Variants in AK8 observed in about 807,000 individuals in gnomAD.
The protein encoded by AK8 is ATP-AMP transphosphorylase 8.
In AK8, 44 loss-of-function variants were observed where a neutral mutation model predicts 54.6. The ratio of observed to expected loss-of-function variants is 0.81; its 90% CI spans 0.63 to 1.04. The LOEUF (loss-of-function observed/expected upper bound fraction) is 1.04. Ranked by LOEUF, AK8 falls within the 50% of genes least tolerant of loss-of-function variation. AK8 has a pLI of 0.00. For missense variants in AK8, 555 were observed against 613.6 expected (o/e 0.90, Z 1.01); for synonymous variants, 239 against 245.6 (o/e 0.97, Z 0.25).
intron 11 of AK8, among the ~76,000 whole-genome samples, chr9:132,731,083 C>CTCAAAT (rs1564370248): frequency 6.6e-6 from 1 of 152,186 alleles, no homozygotes. Flanking sequence ...CAATCCCAAA[C>CTCAAAT]GCCGAAATCC....
intron 10 of AK8, among the ~76,000 whole-genome samples, chr9:132,796,770 TACACACACACACACACACACAC>T (rs10590924): frequency 1.3e-4 from 18 of 142,414 alleles, no homozygotes; most frequent in South Asian, 2.3e-4. Flanking sequence ...ACATACATGC[TACACACACACACACACACACAC>T]ACACACACAC....
intron 10 of AK8, among the ~76,000 whole-genome samples, chr9:132,812,114 A>T (rs1262096344): frequency 6.6e-6 from 1 of 151,768 alleles, no homozygotes; most frequent in Admixed American, 6.6e-5. Flanking sequence ...ACATTCACTC[A>T]TTTTTAGGGT....
At chr9:132,820,926 A>G (rs368272298) in intron 9 of AK8, among the ~76,000 whole-genome samples, 1 of 152,210 alleles carries the variant, frequency 6.6e-6, no homozygotes. Context: ...ATCTCATGAC[A>G]TCTTGTATTT....
At chr9:132,792,854 T>G in intron 10 of AK8, 79 bp from the exon 11 acceptor site, 1 of 1,468,676 alleles carries the variant, frequency 6.8e-7, no homozygotes, top group Non-Finnish European at 9.1e-7. Context: ...TACTTGGCCA[T>G]AGATTGAGCT....
chr9:132,853,273 G>A (rs1843039902), intron 5 of AK8, among the ~76,000 whole-genome samples: 1 of 149,282 alleles, frequency 6.7e-6, no homozygotes, highest in Non-Finnish European at 1.5e-5. Context: ...CAGGAGAATC[G>A]CTCAAACCTG....
Position 132,837,868 on chromosome 9 carries a change from T to C in AK8, c.403-9142A>G, listed in dbSNP as rs1842390160. Among the ~76,000 whole-genome samples the C allele has an allele frequency of 6.6e-6, 1 of 152,220 alleles. No homozygotes were observed. The highest frequency in any genetic ancestry group is 1.5e-5 in the Non-Finnish European group (1 of 68,044). Reference sequence around the variant, plus strand: ...CCTCAGAAGCCCTGCCTCGCCGTGATGCGGGCCATACGTTTCCTGAGTGGA... The same window carrying C: ...CCTCAGAAGCCCTGCCTCGCCGTGACGCGGGCCATACGTTTCCTGAGTGGA... On this transcript the variant is annotated intron_variant, in intron 5 of 12. Transcript: ENST00000298545. This position sits in a 1 kb window ranked among gnomAD's most constrained non-coding sequence, Gnocchi z 4.3.
intron 11 of AK8, among the ~76,000 whole-genome samples, chr9:132,736,656 G>A (rs1406870342): frequency 6.6e-6 from 1 of 151,264 alleles, no homozygotes; most frequent in Non-Finnish European, 1.5e-5. Flanking sequence ...ATGGTGGTGG[G>A]CGCCCGTAGT....
At chr9:132,777,006 C>A (rs1449183109) in intron 11 of AK8, among the ~76,000 whole-genome samples, 2 of 152,152 alleles carry the variant, frequency 1.3e-5, no homozygotes, top group Non-Finnish European at 2.9e-5. Flanking sequence ...AGATATGAGT[C>A]TGATTTCATC....
Position 132,850,320 on chromosome 9 carries a change from G to A in AK8, c.402+4537C>T, listed in dbSNP as rs140778261. Among the ~76,000 whole-genome samples, 26 of 146,898 alleles carry A rather than the reference G, an allele frequency of 1.8e-4. 1 individual carries two copies. Among genetic ancestry groups the A allele is most frequent in the African/African-American group, 6.0e-4 (24 of 39,746 alleles). ...CTTTGTATTACATCAGAGCTGAGTC[G>A]TTGCGATAGAAGCCTCCTGCCTCAG... On this transcript the variant is annotated intron_variant, in intron 5 of 12. Transcript: ENST00000298545.
chr9:132,865,993 T>C (rs993277874), intron 3 of AK8, among the ~76,000 whole-genome samples: 7 of 150,436 alleles, frequency 4.7e-5, no homozygotes. Flanking sequence ...AGGTCAGGAG[T>C]CCAATACCAG....
intron 4 of AK8, among the ~76,000 whole-genome samples, chr9:132,862,776 G>A (rs1036704636): frequency 4.6e-5 from 7 of 152,288 alleles, no homozygotes; most frequent in African/African-American, 1.7e-4. Flanking sequence ...GCTAGCCCGG[G>A]CAGATCCCCC....
chr9:132,811,733 T>G (rs1293320902), intron 10 of AK8, among the ~76,000 whole-genome samples: 1 of 152,240 alleles, frequency 6.6e-6, no homozygotes, highest in Non-Finnish European at 1.5e-5. Flanking sequence ...CCACTGCCAC[T>G]GTTCATGGGC....
chr9:132,844,297 CAAAAAA>C (rs35309762), intron 5 of AK8, among the ~76,000 whole-genome samples: 4 of 92,628 alleles, frequency 4.3e-5, no homozygotes, highest in African/African-American at 1.9e-4. Context: ...TGCATTAGAC[CAAAAAA>C]AAAAAAAAAA....
At chr9:132,843,859 T>C (rs1842635307) in intron 5 of AK8, among the ~76,000 whole-genome samples, 1 of 152,178 alleles carries the variant, frequency 6.6e-6, no homozygotes, top group Non-Finnish European at 1.5e-5. Flanking sequence ...TATATCATGG[T>C]AATGAAATAA....
At chr9:132,783,864 C>T (rs1839579959) in intron 11 of AK8, among the ~76,000 whole-genome samples, 1 of 152,060 alleles carries the variant, frequency 6.6e-6, no homozygotes, top group Admixed American at 6.6e-5. Context: ...AGAAAACAGT[C>T]AGTTACCATG....
intron 5 of AK8, among the ~76,000 whole-genome samples, chr9:132,835,426 G>T (rs893971156): frequency 6.6e-6 from 1 of 152,146 alleles, no homozygotes; most frequent in Non-Finnish European, 1.5e-5. Flanking sequence ...TAACAGACAC[G>T]GATAACCCAG....
chr9:132,832,147 TAAAAAAA>T (rs11284702), intron 5 of AK8, among the ~76,000 whole-genome samples: 1 of 105,412 alleles, frequency 9.5e-6, no homozygotes, highest in Non-Finnish European at 1.8e-5. Context: ...CACTGACATT[TAAAAAAA>T]AAAAAAAAAA....
rs1841314780 is a variant in AK8 at position 132,816,096 on chromosome 9, GT to G, written c.890-1370del. Among the ~76,000 whole-genome samples the G allele has an allele frequency of 5.3e-5, 8 of 152,326 alleles. No individual in the cohort carries two copies. In the South Asian group the frequency reaches 1.0e-3, roughly 20 times the overall value. On this transcript the variant is annotated intron_variant, in intron 9 of 12. Coordinates refer to ENST00000298545, the MANE Select transcript of AK8 (RefSeq NM_152572.3). ...GAGCTAGGCGCAGTGGCTCATGCCT[GT>G]AATCCCAGGACTTTGGGAGGCCAAG...
In AK8 at chr9:132,825,207, A is replaced by G. The variant is rs540089600; in HGVS notation, c.757+1647T>C. On this transcript the variant is annotated intron_variant, in intron 8 of 12. Transcript: ENST00000298545. ...GATCCCCCAGACAGTCTCAACATCT[A>G]ATTATTCTTTTTAAAAATGTGTGGT... Among the ~76,000 whole-genome samples, 6 of 152,320 alleles carry G rather than the reference A, an allele frequency of 3.9e-5. No individual in the cohort carries two copies. The South Asian group carries it at 1.2e-3, about 32-fold the overall frequency.
Sources: allele counts gnomAD v4.1 joint callset (sites outside exome capture counted in the v4.1 genomes callset), GRCh38; gene constraint gnomAD v4.1.1; non-coding constraint Gnocchi (gnomAD v3.1); transcripts MANE v1.5; gene names NCBI Gene and HGNC (gene_info 2026-07-23, HGNC 2026-07-21).